The following GABRG3 variants were observed in gnomAD, a reference collection of about 807,000 sequenced individuals.
GABRG3 encodes the protein gamma-aminobutyric acid receptor subunit gamma-3.
Under a neutral mutation model 48.8 loss-of-function variants are expected in GABRG3, and 25 were observed. That is an observed-to-expected ratio of 0.51 (90% CI 0.37 to 0.72). GABRG3 has a LOEUF of 0.72. Among genes scored for constraint, GABRG3 ranks in the 30% least tolerant of loss-of-function variants. The pLI is 0.00. For synonymous variants in GABRG3, 227 were observed against 217.6 expected, an observed-to-expected ratio of 1.04 and a Z score of -0.38; for missense variants, 394 against 577.9, an observed-to-expected ratio of 0.68 and a Z score of 3.26.
chr15:27,406,221 G>A (rs887397463), intron 5 of GABRG3, among the ~76,000 whole-genome samples: 4 of 124,150 alleles, frequency 3.2e-5, no homozygotes, highest in African/African-American at 1.5e-4. Flanking sequence ...TAAATAAATG[G>A]GGAGGGAAGA....
chr15:27,430,226 T>C (rs935853816), intron 5 of GABRG3, among the ~76,000 whole-genome samples: 1 of 152,230 alleles, frequency 6.6e-6, no homozygotes, highest in African/African-American at 2.4e-5. Flanking sequence ...ACTCAAATCC[T>C]CTGCCCATTT....
At chr15:27,009,826 A>G (rs1244139248) in intron 2 of GABRG3, among the ~76,000 whole-genome samples, 2 of 152,118 alleles carry the variant, frequency 1.3e-5, no homozygotes, top group Non-Finnish European at 2.9e-5. Context: ...GGAGTCCTAG[A>G]TTCCTCAGGC....
intron 3 of GABRG3, among the ~76,000 whole-genome samples, chr15:27,237,357 C>T (rs1890005437): frequency 6.6e-6 from 1 of 152,206 alleles, no homozygotes; most frequent in Admixed American, 6.5e-5. Flanking sequence ...GTCATGCAAA[C>T]TAGAACAGAT....
intron 3 of GABRG3, among the ~76,000 whole-genome samples, chr15:27,238,311 G>A (rs967749685): frequency 1.3e-5 from 2 of 152,216 alleles, no homozygotes; most frequent in Non-Finnish European, 2.9e-5. Context: ...GGGCCCTAAC[G>A]CCCACCGGCC....
intron 3 of GABRG3, among the ~76,000 whole-genome samples, chr15:27,248,791 CACACACACACACAGAGAG>C (rs1301444659): frequency 8.5e-6 from 1 of 117,086 alleles, no homozygotes; most frequent in Non-Finnish European, 1.8e-5. Flanking sequence ...CACACACACA[CACACACACACACAGAGAG>C]AGAGAGAGAG....
At chr15:27,477,107 C>A (rs973422277) in intron 5 of GABRG3, among the ~76,000 whole-genome samples, 1 of 152,114 alleles carries the variant, frequency 6.6e-6, no homozygotes, top group Non-Finnish European at 1.5e-5. Flanking sequence ...AAAGACAAGT[C>A]ACATCCACAA....
chr15:27,049,370 ATC>A (rs1896418103), intron 3 of GABRG3, among the ~76,000 whole-genome samples: 1 of 152,152 alleles, frequency 6.6e-6, no homozygotes, highest in African/African-American at 2.4e-5. Flanking sequence ...GAATTTCACT[ATC>A]TTCCTGGAGC....
At chr15:27,465,390 G>A (rs573762338) in intron 5 of GABRG3, among the ~76,000 whole-genome samples, 1 of 152,296 alleles carries the variant, frequency 6.6e-6, no homozygotes, top group South Asian at 2.1e-4. Context: ...CAGCTCAGCT[G>A]CTTTCCCTCA....
At chr15:27,302,647 G>T (rs1301881979) in intron 3 of GABRG3, among the ~76,000 whole-genome samples, 3 of 151,978 alleles carry the variant, frequency 2.0e-5, no homozygotes, top group African/African-American at 4.8e-5. Flanking sequence ...AGATTTAACT[G>T]ATTTTACAGA....
At chr15:26,988,562 T>C (rs1037128574) in intron 2 of GABRG3, among the ~76,000 whole-genome samples, 3 of 152,174 alleles carry the variant, frequency 2.0e-5, no homozygotes, top group Non-Finnish European at 1.5e-5. Flanking sequence ...AGATGACATA[T>C]AGGTGAATCT....
At chr15:26,980,310 G>T (rs538110468) in intron 2 of GABRG3, among the ~76,000 whole-genome samples, 1 of 151,656 alleles carries the variant, frequency 6.6e-6, no homozygotes, top group African/African-American at 2.4e-5. Flanking sequence ...CATCAATTTT[G>T]CTTTTATACT....
At chr15:27,296,447 TAGGAATAAATGAA>T in intron 3 of GABRG3, among the ~76,000 whole-genome samples, 1 of 152,136 alleles carries the variant, frequency 6.6e-6, no homozygotes, top group Admixed American at 6.6e-5. Flanking sequence ...ATTTATTCCA[TAGGAATAAATGAA>T]AAGAATCAGA....
At chr15:27,049,253 T>C (rs1896415478) in intron 3 of GABRG3, among the ~76,000 whole-genome samples, 1 of 152,256 alleles carries the variant, frequency 6.6e-6, no homozygotes, top group South Asian at 2.1e-4. Flanking sequence ...GCCCAGCTGC[T>C]GATGTGTCTT....
At chr15:27,040,949 T>A (rs1199560545) in intron 3 of GABRG3, among the ~76,000 whole-genome samples, 2 of 152,146 alleles carry the variant, frequency 1.3e-5, no homozygotes, top group Non-Finnish European at 2.9e-5. Flanking sequence ...CTGTGAAGAG[T>A]AGGCTCTGGC....
At chr15:27,215,703 A>G (rs368634907) in intron 3 of GABRG3, among the ~76,000 whole-genome samples, 34 of 152,318 alleles carry the variant, frequency 2.2e-4, no homozygotes, top group East Asian at 1.7e-3. Flanking sequence ...AGACCAGGGC[A>G]TTCTGATTGC....
chr15:27,337,121 T>C (rs1185031362), intron 5 of GABRG3, among the ~76,000 whole-genome samples: 1 of 152,232 alleles, frequency 6.6e-6, no homozygotes, highest in Non-Finnish European at 1.5e-5. Flanking sequence ...TTTCCTCTGT[T>C]CTGCTTCTCT....
chr15:27,385,654 T>A (rs1378836020), intron 5 of GABRG3, among the ~76,000 whole-genome samples: 1 of 152,184 alleles, frequency 6.6e-6, no homozygotes, highest in Non-Finnish European at 1.5e-5. Flanking sequence ...AAATCTGCTG[T>A]TGAGTTCCTC....
At chr15:27,261,474 G>T (rs1373962116) in intron 3 of GABRG3, among the ~76,000 whole-genome samples, 1 of 151,220 alleles carries the variant, frequency 6.6e-6, no homozygotes, top group Admixed American at 6.6e-5. Flanking sequence ...AGATGGGCAG[G>T]GGTGCTGTTA....
chr15:27,395,722 T>C (rs781555779), intron 5 of GABRG3, among the ~76,000 whole-genome samples: 2 of 152,094 alleles, frequency 1.3e-5, no homozygotes, highest in Non-Finnish European at 2.9e-5. Flanking sequence ...CAAGAGTAAC[T>C]AAAAAGGGAT....
Sources: gnomAD v4.1 joint callset for allele counts (sites outside exome capture counted in the v4.1 genomes callset) on GRCh38, gnomAD v4.1.1 for gene constraint, MANE v1.5 for transcripts, NCBI Gene and HGNC (gene_info 2026-07-23, HGNC 2026-07-21) for gene names.